Variants in RBFOX1 observed in about 807,000 individuals in gnomAD.
The protein encoded by RBFOX1 is RNA binding fox-1 homolog 1.
A neutral mutation model predicts 57.7 loss-of-function variants in RBFOX1; 8 were observed. The ratio of observed to expected loss-of-function variants is 0.14; its 90% CI spans 0.08 to 0.25. The LOEUF (loss-of-function observed/expected upper bound fraction) is 0.25. Among genes scored for constraint, RBFOX1 ranks in the 10% least tolerant of loss-of-function variants. The probability of loss-of-function intolerance (pLI) is 1.00; values close to 1 mark genes in which losing one functional copy is unlikely to be tolerated. For synonymous variants in RBFOX1, 326 were observed against 222.4 expected (o/e 1.47, Z -4.15); for missense variants, 611 against 548.5 (o/e 1.11, Z -1.14).
Position 7,184,575 on chromosome 16 carries a change from C to G in RBFOX1, c.27+132477C>G, listed in dbSNP as rs550490215. Among the ~76,000 whole-genome samples the G allele has an allele frequency of 2.0e-5, 3 of 152,300 alleles. No homozygotes were observed. In the East Asian group the frequency reaches 5.8e-4, roughly 29 times the overall value. ...ATATTGGCTGTGCCTTTGTGACAATCCTTAGTCTTGTCTGTTTAGCAAACA... is the reference window on the plus strand; with the variant it reads ...ATATTGGCTGTGCCTTTGTGACAATGCTTAGTCTTGTCTGTTTAGCAAACA... On this transcript the variant is annotated intron_variant, in intron 4 of 15. Transcript: ENST00000550418.
intron 3 of RBFOX1, among the ~76,000 whole-genome samples, chr16:6,995,377 G>T (rs2092103380): frequency 6.6e-6 from 1 of 151,410 alleles, no homozygotes; most frequent in South Asian, 2.1e-4. Flanking sequence ...TGGGGAGGGG[G>T]ATGGATTTTT....
chr16:6,864,790 A>C lies in RBFOX1; in HGVS notation c.-15-187267A>C, dbSNP rs192528214. Among the ~76,000 whole-genome samples the C allele has an allele frequency of 1.8e-3, 268 of 152,070 alleles. 1 individual carries two copies. The highest frequency in any genetic ancestry group is 5.7e-3 in the African/African-American group (235 of 41,500). ...TCTTTTTCCTCTAATGTGGGTTTAA[A>C]AACAATAAGGAGAGACATATGCTAC... is the stretch of plus-strand genomic sequence containing the variant. On this transcript the variant is annotated intron_variant, in intron 3 of 15. Transcript: ENST00000550418.
chr16:6,391,868 A>G (rs2092619596), intron 2 of RBFOX1, among the ~76,000 whole-genome samples: 1 of 152,218 alleles, frequency 6.6e-6, no homozygotes, highest in Non-Finnish European at 1.5e-5. Flanking sequence ...TATTGCACTC[A>G]TTACAGTGTG....
At chr16:6,038,680 G>T (rs1596582870) in intron 1 of RBFOX1, 1 of 147,706 alleles carries the variant, frequency 6.8e-6, no homozygotes, top group East Asian at 2.0e-4. Flanking sequence ...CCATTATTAA[G>T]CAAAATGAAT....
intron 3 of RBFOX1, among the ~76,000 whole-genome samples, chr16:6,943,723 A>C (rs2078971392): frequency 6.6e-6 from 1 of 151,882 alleles, no homozygotes; most frequent in African/African-American, 2.4e-5. Context: ...AAAAAAAAAA[A>C]AAAAGTATTC....
chr16:6,023,888 G>A (rs1182509098), intron 1 of RBFOX1, among the ~76,000 whole-genome samples: 1 of 152,194 alleles, frequency 6.6e-6, no homozygotes, highest in Non-Finnish European at 1.5e-5. Context: ...TCGAGGCACA[G>A]GTATAAATAT....
chr16:6,686,597 A>T (rs1258899604), intron 3 of RBFOX1, among the ~76,000 whole-genome samples: 2 of 152,198 alleles, frequency 1.3e-5, no homozygotes, highest in East Asian at 3.8e-4. Context: ...TAGGGGTGAG[A>T]CAGCAGTGGA....
At chr16:5,891,146 C>G (rs2058036414) in intron 4 of RBFOX1, among the ~76,000 whole-genome samples, 1 of 152,130 alleles carries the variant, frequency 6.6e-6, no homozygotes, top group Admixed American at 6.5e-5. Flanking sequence ...GCCTCTCTAC[C>G]CTCCTTAGGA....
chr16:7,323,825 G>C (rs888098119), intron 4 of RBFOX1, among the ~76,000 whole-genome samples: 1 of 152,260 alleles, frequency 6.6e-6, no homozygotes, highest in Non-Finnish European at 1.5e-5. Context: ...AAGAAGAGAA[G>C]AAGCCAAAAG....
chr16:6,863,028 AT>A lies in RBFOX1; in HGVS notation c.-15-189026del, dbSNP rs1248619937. On this transcript the variant is annotated intron_variant, in intron 3 of 15. Coordinates refer to ENST00000550418, the MANE Select transcript of RBFOX1 (RefSeq NM_018723.4). ...CAGGCCGCAGCTGATTTTTGAAGGA[AT>A]TTGCAGAGTCCTTCTAAGGTGTTTG... Among the ~76,000 whole-genome samples the A allele has an allele frequency of 5.9e-5, 9 of 152,038 alleles. No homozygotes were observed. In the East Asian group the frequency reaches 1.7e-3, roughly 29 times the overall value.
intron 1 of RBFOX1, among the ~76,000 whole-genome samples, chr16:5,332,517 G>T (rs1435012352): frequency 6.6e-6 from 1 of 152,058 alleles, no homozygotes; most frequent in Non-Finnish European, 1.5e-5. Context: ...GCCTACCTCG[G>T]CGTCCCAAAG....
intron 1 of RBFOX1, among the ~76,000 whole-genome samples, chr16:6,256,538 A>T (rs77849097): frequency 0.084 from 12,721 of 151,660 alleles, 1,245 homozygotes; most frequent in African/African-American, 0.23. Context: ...TTTGAACTTG[A>T]CATTGGTTGC....
intron 4 of RBFOX1, among the ~76,000 whole-genome samples, chr16:7,481,815 G>C (rs1339525331): frequency 6.6e-6 from 1 of 152,146 alleles, no homozygotes; most frequent in African/African-American, 2.4e-5. Flanking sequence ...GCTTAGCCTA[G>C]CCTGCCTTAA....
rs530594191 is a variant in RBFOX1, at chr16:6,552,835, TATATA to T, written c.-63-101762_-63-101758del. Among the ~76,000 whole-genome samples the T allele has an allele frequency of 1.8e-4, 28 of 152,104 alleles. No individual in the cohort carries two copies. The East Asian group carries it at 3.9e-3, about 21-fold the overall frequency. The stretch of plus-strand genomic sequence containing the variant: ...TTATGTGTAAGATATATATTATAAA[TATATA>T]ATATAGAGTATGTCTGGCAGTATAT... On this transcript the variant is annotated intron_variant, in intron 2 of 15. Coordinates refer to ENST00000550418, the MANE Select transcript of RBFOX1 (RefSeq NM_018723.4).
At chr16:6,539,423 T>C (rs1269042097) in intron 2 of RBFOX1, among the ~76,000 whole-genome samples, 1 of 152,174 alleles carries the variant, frequency 6.6e-6, no homozygotes, top group Admixed American at 6.5e-5. Flanking sequence ...GCTGTTATTG[T>C]ATTATTATCA....
chr16:6,048,222 G>C (rs1227626366), intron 1 of RBFOX1, among the ~76,000 whole-genome samples: 2 of 152,188 alleles, frequency 1.3e-5, no homozygotes, highest in Non-Finnish European at 2.9e-5. Flanking sequence ...TCCTTGGCCA[G>C]GGTCAGGCAG....
chr16:6,450,801 G>GTATATATATATATATATA (rs1186562440), intron 2 of RBFOX1, among the ~76,000 whole-genome samples: 2 of 16,462 alleles, frequency 1.2e-4, no homozygotes, highest in Non-Finnish European at 2.3e-4. Flanking sequence ...ATATATATAT[G>GTATATATATATATATATA]TATATATATA....
chr16:7,271,953 G>C (rs542702833), intron 4 of RBFOX1, among the ~76,000 whole-genome samples: 4 of 152,138 alleles, frequency 2.6e-5, no homozygotes, highest in East Asian at 3.9e-4. Context: ...TTGCTTTTCT[G>C]TGGTATCACC....
intron 3 of RBFOX1, among the ~76,000 whole-genome samples, chr16:5,798,898 C>A (rs1320873594): frequency 6.6e-6 from 1 of 151,936 alleles, no homozygotes; most frequent in Non-Finnish European, 1.5e-5. Flanking sequence ...TTGCTGCCTG[C>A]GTCAGACAGG....
Sources: allele counts gnomAD v4.1 joint callset (sites outside exome capture counted in the v4.1 genomes callset), GRCh38; gene constraint gnomAD v4.1.1; transcripts MANE v1.5; gene names NCBI Gene and HGNC (gene_info 2026-07-23, HGNC 2026-07-21).